COL4A5: variants seen among roughly 807,000 people sequenced by gnomAD.
The protein encoded by COL4A5 is collagen type IV alpha 5 chain, also known as collagen alpha-5(IV) chain.
Under a neutral mutation model 130.2 loss-of-function variants are expected in COL4A5, and 26 were observed. The ratio of observed to expected loss-of-function variants is 0.20; its 90% confidence interval spans 0.15 to 0.28. The LOEUF is 0.28. COL4A5 is among the 10% of genes least tolerant of loss of function. The pLI is 1.00. For missense variants in COL4A5, 1,131 were observed against 1,344.3 expected (o/e 0.84, Z 2.48); for synonymous variants, 496 against 439.6 (o/e 1.13, Z -1.60).
intron 1 of COL4A5, among the ~76,000 whole-genome samples, chrX:108,479,898 GT>G (rs944782167): frequency 1.3e-4 from 15 of 111,706 alleles, no homozygotes; most frequent in Admixed American, 2.8e-4. Context: ...AAGGAGAGTA[GT>G]TTTTTGCAGA....
At chrX:108,588,158 A>G (rs1314092658) in intron 19 of COL4A5, among the ~76,000 whole-genome samples, 2 of 111,129 alleles carry the variant, frequency 1.8e-5, no homozygotes, top group African/African-American at 6.5e-5. Flanking sequence ...ATGTTCTCTG[A>G]AATAGGGTAA....
At chrX:108,558,305 G>A (rs2065856219) in intron 2 of COL4A5, among the ~76,000 whole-genome samples, 1 of 110,552 alleles carries the variant, frequency 9.0e-6, no homozygotes, top group African/African-American at 3.3e-5. Context: ...TTGGCTATAT[G>A]CAGATTAACT....
At chrX:108,647,131 G>A (rs1257704961) in intron 36 of COL4A5, among the ~76,000 whole-genome samples, 2 of 110,511 alleles carry the variant, frequency 1.8e-5, no homozygotes, top group East Asian at 5.7e-4. Context: ...GTCATTGGTA[G>A]CTTGATGGGG....
intron 27 of COL4A5, among the ~76,000 whole-genome samples, chrX:108,602,601 C>A (rs1800611119): frequency 8.9e-6 from 1 of 112,032 alleles, no homozygotes; most frequent in South Asian, 3.7e-4. Flanking sequence ...ATTTTTAGAT[C>A]ATTTCCAAAA....
chrX:108,483,277 C>T (rs151105407), intron 1 of COL4A5, among the ~76,000 whole-genome samples: 3 of 109,173 alleles, frequency 2.7e-5, no homozygotes, highest in Non-Finnish European at 5.7e-5. Flanking sequence ...TACGTATTAA[C>T]GTACATGATC....
intron 38 of COL4A5, among the ~76,000 whole-genome samples, chrX:108,665,911 G>T (rs769124549): frequency 9.0e-6 from 1 of 111,070 alleles, no homozygotes; most frequent in African/African-American, 3.3e-5. Context: ...TATTAGCTGA[G>T]CATGGGGATG....
At chrX:108,644,919 C>A (rs199832593) in intron 36 of COL4A5, among the ~76,000 whole-genome samples, 626 of 46,785 alleles carry the variant, frequency 0.013, 2 homozygotes, top group East Asian at 0.042. Flanking sequence ...ACAACAACAA[C>A]AAAAAAAAAA....
chrX:108,666,738 T>A, intron 39 of COL4A5, 144 bp downstream of exon 39: 1 of 541,763 alleles, frequency 1.8e-6, no homozygotes, highest in South Asian at 3.0e-5. Context: ...ACCGTCTTCC[T>A]CTTCATCCTG....
At position 108,621,876 on chromosome X, in the gene COL4A5, T is replaced by C. The variant is rs757276655; in HGVS notation, c.2751T>C (p.Gly917=). ...PGPLGIPGRS[G]VPGLKGDDGL... ...CTTTGGGAATTCCTGGCAGGAGTGGTGTACCTGGTCTTAAAGGTAATAATC... is the reference window on the plus strand; with the variant it reads ...CTTTGGGAATTCCTGGCAGGAGTGGCGTACCTGGTCTTAAAGGTAATAATC... Residue 917 remains glycine, a synonymous_variant, in exon 32 of 53, where the codon GGT becomes GGC. Coordinates refer to ENST00000328300, the MANE Select transcript of COL4A5 (RefSeq NM_033380.3). The C allele has an allele frequency of 2.5e-6, 3 of 1,204,243 alleles. No individual in the cohort carries two copies. Among genetic ancestry groups the C allele is most frequent in the Admixed American group, 2.2e-5 (1 of 46,024 alleles).
chrX:108,491,262 T>G (rs1455351694), intron 1 of COL4A5, among the ~76,000 whole-genome samples: 2 of 111,659 alleles, frequency 1.8e-5, no homozygotes, highest in Non-Finnish European at 3.8e-5. Flanking sequence ...CCCCACAGAC[T>G]CTTCCTCTCT....
In COL4A5 at chrX:108,614,922, C is replaced by T. The variant is rs1268114113; in HGVS notation, c.2407C>T (p.Pro803Ser). 1 of 1,205,544 alleles carries T rather than the reference C, an allele frequency of 8.3e-7. No homozygotes were observed. The highest frequency in any genetic ancestry group is 1.1e-6 in the Non-Finnish European group (1 of 890,183). ...TTTATTTCTTAAAGGTGATGTTGGA[C>T]CAAATGGACAACCTGGACCAATGGG... ...GLPGPKGDVG[P>S]NGQPGPMGPP... Residue 803 changes from proline (P) to serine (S), a missense_variant, in exon 30 of 53, where the codon CCA becomes TCA. Coordinates refer to ENST00000328300, the MANE Select transcript of COL4A5 (RefSeq NM_033380.3).
At chrX:108,661,385 A>G (rs1242287724) in intron 37 of COL4A5, among the ~76,000 whole-genome samples, 3 of 111,706 alleles carry the variant, frequency 2.7e-5, no homozygotes, top group Non-Finnish European at 5.6e-5. Context: ...TGATGTGTTC[A>G]ATATTCTGTT....
intron 36 of COL4A5, among the ~76,000 whole-genome samples, chrX:108,646,389 T>C (rs768063951): frequency 1.8e-5 from 2 of 112,021 alleles, no homozygotes; most frequent in Non-Finnish European, 3.8e-5. Flanking sequence ...TTTTGAGAAG[T>C]GTCTGTTCAT....
rs2272947 is a variant in COL4A5, at chrX:108,598,455, G to A, written c.1780-247G>A. Reference sequence around the variant, plus strand: ...CTAAAATGTAAGCTGCATAAAGTCAGAGATTTTTGTGTATTTTTGTTTTCT... The same window carrying A: ...CTAAAATGTAAGCTGCATAAAGTCAAAGATTTTTGTGTATTTTTGTTTTCT... On this transcript the variant is annotated intron_variant, in intron 24 of 52. Transcript: ENST00000328300. 0.097 allele frequency among the ~76,000 whole-genome samples: 10,787 copies of A among 111,445 alleles called. 1,164 individuals are homozygous for A. Among genetic ancestry groups the A allele is most frequent in the African/African-American group, 0.32 (9,627 of 30,466 alleles).
chrX:108,508,557 C>CAAAAAAAAAAAAA (rs1182036182), intron 1 of COL4A5, among the ~76,000 whole-genome samples: 52 of 38,165 alleles, frequency 1.4e-3, no homozygotes, highest in African/African-American at 3.7e-3. Context: ...CATGTAGGAC[C>CAAAAAAAAAAAAA]AAAAAAAAAA....
intron 3 of COL4A5, among the ~76,000 whole-genome samples, chrX:108,563,558 C>T (rs897653954): frequency 1.8e-5 from 2 of 111,506 alleles, no homozygotes; most frequent in African/African-American, 6.5e-5. Context: ...ATTTTGTTTA[C>T]GAATAAATTA....
intron 36 of COL4A5, among the ~76,000 whole-genome samples, chrX:108,647,075 G>A (rs995858541): frequency 9.0e-6 from 1 of 110,517 alleles, no homozygotes; most frequent in African/African-American, 3.3e-5. Flanking sequence ...CTCTTTTTTG[G>A]TTCCATATGA....
In COL4A5 at chrX:108,682,988, G is replaced by T. The variant is rs749844581; in HGVS notation, c.4216+1100G>T. 3.6e-5 allele frequency among the ~76,000 whole-genome samples: 4 copies of T among 111,935 alleles called. No homozygotes were observed. In the South Asian group the frequency reaches 1.5e-3, roughly 42 times the overall value. ...TTTGTCCATGCCTATGTCCTGAATG[G>T]TATTGCCTAGGTTTTCTTCTAGGAT... On this transcript the variant is annotated intron_variant, in intron 47 of 52. Transcript: ENST00000328300.
chrX:108,567,109 A>T (rs2065986514), intron 4 of COL4A5, among the ~76,000 whole-genome samples: 1 of 111,748 alleles, frequency 8.9e-6, no homozygotes, highest in Non-Finnish European at 1.9e-5. Flanking sequence ...ATAAAAATTT[A>T]AATTTTAATA....
Sources: gnomAD v4.1 joint callset for allele counts (sites outside exome capture counted in the v4.1 genomes callset) on GRCh38, gnomAD v4.1.1 for gene constraint, MANE v1.5 for transcripts, NCBI Gene and HGNC (gene_info 2026-07-23, HGNC 2026-07-21) for gene names.